Variants in NSUN2 observed in about 807,000 individuals in gnomAD.
The protein encoded by NSUN2 is NOP2/Sun RNA methyltransferase 2.
Under a neutral mutation model 92.7 loss-of-function variants are expected in NSUN2, and 63 were observed. The ratio of observed to expected loss-of-function variants is 0.68; its 90% CI spans 0.56 to 0.84. The LOEUF (loss-of-function observed/expected upper bound fraction) is 0.84, where lower values mean the gene tolerates loss of function less well. NSUN2 is among the 40% of genes least tolerant of loss of function. NSUN2 has a pLI of 0.00. For synonymous variants in NSUN2, 356 were observed against 348.3 expected, an observed-to-expected ratio of 1.02 and a Z score of -0.25; for missense variants, 989 against 964.9, an observed-to-expected ratio of 1.02 and a Z score of -0.33.
At chr5:6,625,760 G>T in intron 3 of NSUN2, 91 bp from the exon 4 acceptor site, 1 of 832,462 alleles carries the variant, frequency 1.2e-6, no homozygotes, top group Non-Finnish European at 2.0e-6. Context: ...CATGCCAAAT[G>T]AGACTTCGAA....
intron 3 of NSUN2, among the ~76,000 whole-genome samples, chr5:6,629,473 G>GA (rs1197412839): frequency 6.6e-6 from 1 of 152,208 alleles, no homozygotes; most frequent in Non-Finnish European, 1.5e-5. Context: ...GACACATGCT[G>GA]AAACGTTCCT....
At chr5:6,629,645 GTCT>G (rs1367899584) in intron 3 of NSUN2, among the ~76,000 whole-genome samples, 1 of 152,166 alleles carries the variant, frequency 6.6e-6, no homozygotes, top group Non-Finnish European at 1.5e-5. Context: ...TCGTAATCCT[GTCT>G]TCTTAAAATA....
At chr5:6,608,778 T>C (rs959329159) in intron 12 of NSUN2, among the ~76,000 whole-genome samples, 2 of 152,246 alleles carry the variant, frequency 1.3e-5, no homozygotes, top group Non-Finnish European at 1.5e-5. Flanking sequence ...CTGTGGTCAC[T>C]GACCACTTAA....
At chr5:6,604,721 T>C (rs1232582247) in intron 15 of NSUN2, 36 bp from the exon 16 acceptor site, 2 of 1,543,400 alleles carry the variant, frequency 1.3e-6, no homozygotes, top group Admixed American at 1.7e-5. Flanking sequence ...CACAGAGAGA[T>C]GAAGACAGGA....
chr5:6,602,855 G>A (rs1032700778), intron 17 of NSUN2, among the ~76,000 whole-genome samples: 21 of 152,150 alleles, frequency 1.4e-4, no homozygotes, highest in Non-Finnish European at 1.5e-4. Flanking sequence ...TCCCAGAATG[G>A]CATGAAATAC....
chr5:6,622,555 A>C (rs148092991), intron 5 of NSUN2, among the ~76,000 whole-genome samples: 2 of 152,276 alleles, frequency 1.3e-5, no homozygotes, highest in East Asian at 3.9e-4. Flanking sequence ...CACCTAAAAA[A>C]CACAGAGCAA....
chr5:6,611,711 C>T lies in NSUN2; in HGVS notation c.1095+14G>A, dbSNP rs772082453. ...ACCTACTCTTTAGAATGAAAGTTCT[C>T]GAGGAAAGGTTACCTTCCACTGTGT... On this transcript the variant is annotated intron_variant, in intron 10 of 18. Coordinates refer to ENST00000264670, the MANE Select transcript of NSUN2 (RefSeq NM_017755.6). 2.5e-6 allele frequency: 4 copies of T among 1,612,702 alleles called. No homozygotes were observed. Among genetic ancestry groups the T allele is most frequent in the Non-Finnish European group, 3.4e-6 (4 of 1,178,850 alleles).
chr5:6,632,091 G>C (rs928335536), intron 2 of NSUN2, 114 bp from the exon 3 acceptor site: 1 of 773,756 alleles, frequency 1.3e-6, no homozygotes, highest in Non-Finnish European at 2.1e-6. Flanking sequence ...TTTGCATGGA[G>C]AGTAAACATT....
intron 14 of NSUN2, 47 bp from the exon 15 acceptor site, chr5:6,605,455 G>A (rs776451452): frequency 1.3e-6 from 2 of 1,593,698 alleles, no homozygotes; most frequent in Non-Finnish European, 1.7e-6. Context: ...TTCAAAATCT[G>A]GTAGACTGTT....
intron 17 of NSUN2, among the ~76,000 whole-genome samples, chr5:6,603,280 A>C (rs1266111658): frequency 6.6e-6 from 1 of 152,264 alleles, no homozygotes; most frequent in African/African-American, 2.4e-5. Flanking sequence ...ATGACCAATA[A>C]TCTACTCCAG....
intron 10 of NSUN2, 61 bp downstream of exon 10, chr5:6,611,664 G>T: frequency 1.4e-6 from 2 of 1,384,902 alleles, no homozygotes; most frequent in South Asian, 1.2e-5. Flanking sequence ...TTTGAAACTT[G>T]ACTCTACTTC....
chr5:6,630,970 T>C (rs1005501535), intron 3 of NSUN2, among the ~76,000 whole-genome samples: 1 of 152,102 alleles, frequency 6.6e-6, no homozygotes, highest in African/African-American at 2.4e-5. Context: ...GGCGGGCACC[T>C]GTAGTCCCAG....
chr5:6,605,101 G>T, intron 15 of NSUN2, 172 bp downstream of exon 15: 1 of 854,784 alleles, frequency 1.2e-6, no homozygotes. Flanking sequence ...GAACCATTCA[G>T]CCCTGTGTCA....
At chr5:6,620,003 A>T in intron 7 of NSUN2, 103 bp downstream of exon 7, 1 of 993,908 alleles carries the variant, frequency 1.0e-6, no homozygotes. Context: ...GCACCCCAAG[A>T]CTTATGTACA....
intron 18 of NSUN2, among the ~76,000 whole-genome samples, chr5:6,601,999 G>A (rs1206267503): frequency 3.3e-5 from 5 of 152,194 alleles, no homozygotes; most frequent in South Asian, 4.1e-4. Context: ...TGCAAGCAGC[G>A]TGGAGCAGTG....
Position 6,604,688 on chromosome 5 carries a change from G to C in NSUN2, c.1738-3C>G, listed in dbSNP as rs984461542. On this transcript the variant is annotated splice_region_variant and splice_polypyrimidine_tract_variant and intron_variant, in intron 15 of 18. Coordinates refer to ENST00000264670, the MANE Select transcript of NSUN2 (RefSeq NM_017755.6). ...ACTTTGATCCCCGTGTTAATAACCT[G>C]TAAGTAAAAAAATAAGATGAAACAC... The C allele has an allele frequency of 6.2e-7, 1 of 1,611,560 alleles. No individual in the cohort carries two copies.
intron 17 of NSUN2, among the ~76,000 whole-genome samples, chr5:6,603,552 G>A (rs552090): frequency 0.036 from 5,475 of 152,246 alleles, 329 homozygotes; most frequent in African/African-American, 0.12. Context: ...TTAGCTGGGC[G>A]TGGTGGCGGG....
intron 6 of NSUN2, 43 bp from the exon 7 acceptor site, chr5:6,620,341 G>A: frequency 6.9e-7 from 1 of 1,459,010 alleles, no homozygotes; most frequent in African/African-American, 1.4e-5. Context: ...TGGAGCCTAA[G>A]TGGAATCACA....
chr5:6,624,045 A>G (rs184624033), intron 4 of NSUN2, among the ~76,000 whole-genome samples: 79 of 152,368 alleles, frequency 5.2e-4, no homozygotes, highest in African/African-American at 1.8e-3. Flanking sequence ...CCACCCAGGC[A>G]TCCATCACTC....
Sources: gnomAD v4.1 joint callset for allele counts (sites outside exome capture counted in the v4.1 genomes callset) on GRCh38, gnomAD v4.1.1 for gene constraint, MANE v1.5 for transcripts, NCBI Gene and HGNC (gene_info 2026-07-23, HGNC 2026-07-21) for gene names.